IL11RA: variants seen among roughly 807,000 people sequenced by gnomAD.
IL11RA encodes the protein interleukin-11 receptor subunit alpha.
A neutral mutation model predicts 57.0 loss-of-function variants in IL11RA; 51 were observed. The ratio of observed to expected loss-of-function variants is 0.89; its 90% CI spans 0.71 to 1.13. The LOEUF (loss-of-function observed/expected upper bound fraction) is 1.13. IL11RA is among the 50% of genes most tolerant of loss of function. The pLI is 0.00. For synonymous variants in IL11RA, 199 were observed against 217.5 expected (o/e 0.91, Z 0.75); for missense variants, 498 against 539.4 (o/e 0.92, Z 0.76).
Position 34,658,552 on chromosome 9 carries a change from G to A in IL11RA, c.679G>A (p.Glu227Lys), listed in dbSNP as rs1402152930. 1.2e-6 allele frequency: 2 copies of A among 1,614,196 alleles called. No individual in the cohort carries two copies. The highest frequency in any genetic ancestry group is 2.2e-5 in the East Asian group (1 of 44,880). Reference sequence around the variant, plus strand: ...TGACCCACCCCAGGGCCTGCGGGTAGAGTCAGTACCAGGTTACCCCCGACG... The same window carrying A: ...TGACCCACCCCAGGGCCTGCGGGTAAAGTCAGTACCAGGTTACCCCCGACG... The part of the protein sequence containing the change: ...RPDPPQGLRV[E>K]SVPGYPRRLR... Residue 227 changes from glutamate (E) to lysine (K), a missense_variant, in exon 8 of 13, where the codon GAG becomes AAG. Glu to Lys is a moderately conservative substitution (Grantham distance 56). Transcript: ENST00000441545. This position sits in a 1 kb window ranked among gnomAD's most constrained non-coding sequence, Gnocchi z 4.0.
intron 3 of IL11RA, among the ~76,000 whole-genome samples, chr9:34,656,485 G>A (rs1457242494): frequency 6.6e-6 from 1 of 152,162 alleles, no homozygotes; most frequent in African/African-American, 2.4e-5. Flanking sequence ...TCCTGAGGTG[G>A]GAATGAGCTC....
chr9:34,658,749 GT>G lies in IL11RA; in HGVS notation c.810+68del. ...TGTCTCTGATTTCACGATCCTGGGT[GT>G]TCTGTATAGCTTTCCAGTGCTGGCA... On this transcript the variant is annotated intron_variant, in intron 8 of 12. Transcript: ENST00000441545. The surrounding 1 kb of genome is among the most constrained non-coding windows in gnomAD (Gnocchi z 4.0). 3.9e-6 allele frequency: 6 copies of G among 1,555,848 alleles called. No homozygotes were observed. Among genetic ancestry groups the G allele is most frequent in the Non-Finnish European group, 5.3e-6 (6 of 1,139,572 alleles).
At chr9:34,657,014 A>G (rs1283324282) in intron 4 of IL11RA, 21 bp from the exon 5 acceptor site, 1 of 1,611,560 alleles carries the variant, frequency 6.2e-7, no homozygotes. Context: ...CTCAGTCTCC[A>G]GGTGTACCCT....
chr9:34,657,260 C>T (rs1821363764), intron 5 of IL11RA, 43 bp from the exon 6 acceptor site: 1 of 1,613,810 alleles, frequency 6.2e-7, no homozygotes, highest in Non-Finnish European at 8.5e-7. Context: ...GGGCAGAAGG[C>T]CCTCTTTTCC....
chr9:34,657,780 A>G (rs747207889), intron 7 of IL11RA, among the ~76,000 whole-genome samples, 193 bp downstream of exon 7: 12 of 152,166 alleles, frequency 7.9e-5, no homozygotes, highest in Non-Finnish European at 1.8e-4. Flanking sequence ...CACACTCTAG[A>G]GGCTGCTGCT....
intron 11 of IL11RA, 89 bp from the exon 12 acceptor site, chr9:34,660,765 T>C: frequency 7.7e-7 from 1 of 1,299,320 alleles, no homozygotes. Context: ...TTTAACTGAT[T>C]CCTCTCCTGA....
rs751263093 is a variant in IL11RA, at chr9:34,655,614, A to G, written c.110A>G (p.Tyr37Cys). 1.3e-5 allele frequency: 21 copies of G among 1,613,956 alleles called. No homozygotes were observed. In the South Asian group the frequency reaches 1.6e-4, roughly 13 times the overall value. The change falls in exon 3 of 13, where the codon TAT becomes TGT. Residue 37 changes from tyrosine to cysteine, a missense_variant. Transcript: ENST00000441545. ...PQAWGPPGVQ[Y>C]GQPGRSVKLC... ...GAAGTGCCCTCCACAGGGGTCCAGT[A>G]TGGGCAGCCAGGCAGGTCCGTGAAG...
Position 34,655,204 on chromosome 9 carries a change from A to G in IL11RA, c.1-14A>G, listed in dbSNP as rs1016784107. The G allele has an allele frequency of 2.3e-5, 36 of 1,590,186 alleles. No individual in the cohort carries two copies. The highest frequency in any genetic ancestry group is 2.8e-5 in the Non-Finnish European group (33 of 1,161,526). ...TCAGGGGTCGGGGATTTTTGACTCT[A>G]CCTCTCCCCACAGATGAGCAGCAGC... is the stretch of plus-strand genomic sequence containing the variant. On this transcript the variant is annotated splice_polypyrimidine_tract_variant and intron_variant, in intron 1 of 12. Transcript: ENST00000441545.
At position 34,657,488 on chromosome 9, in the gene IL11RA, C is replaced by T. The variant is rs148556750; in HGVS notation, c.547C>T (p.His183Tyr). The T allele has an allele frequency of 6.8e-6, 11 of 1,614,198 alleles. No homozygotes were observed. Among genetic ancestry groups the T allele is most frequent in the Non-Finnish European group, 9.3e-6 (11 of 1,180,014 alleles). The change falls in exon 7 of 13, where the codon CAC becomes TAC. Residue 183 changes from histidine (H) to tyrosine (Y), a missense_variant. Physicochemically the swap from His to Tyr is moderately conservative, Grantham distance 83 (BLOSUM62 2). Coordinates refer to ENST00000441545, the MANE Select transcript of IL11RA (RefSeq NM_001142784.3). Reference sequence around the variant, plus strand: ...CCTAGGGGCTGCCCGCTGTGTTGTCCACGGGGCTGAGTTCTGGAGCCAGTA... The same window carrying T: ...CCTAGGGGCTGCCCGCTGTGTTGTCTACGGGGCTGAGTTCTGGAGCCAGTA... ...DPLGAARCVV[H>Y]GAEFWSQYRI...
rs755525187 is a variant in IL11RA at position 34,655,633 on chromosome 9, C to G, written c.129C>G (p.Ser43=). The change falls in exon 3 of 13, where the codon TCC becomes TCG. Residue 43 remains serine (S), a synonymous_variant. Transcript: ENST00000441545. ...TCCAGTATGGGCAGCCAGGCAGGTC[C>G]GTGAAGCTGTGTTGTCCTGGAGTGA... ...PGVQYGQPGR[S]VKLCCPGVTA... 43 of 1,613,968 alleles carry G rather than the reference C, an allele frequency of 2.7e-5. No individual in the cohort carries two copies. The South Asian group carries it at 4.4e-4, about 16-fold the overall frequency.
chr9:34,657,825 A>G (rs1264737990), intron 7 of IL11RA, among the ~76,000 whole-genome samples: 1 of 152,232 alleles, frequency 6.6e-6, no homozygotes, highest in Non-Finnish European at 1.5e-5. Flanking sequence ...GCCTAGCCTC[A>G]GAGCAGGCCC....
chr9:34,660,123 G>C, intron 9 of IL11RA, 151 bp from the exon 10 acceptor site: 1 of 1,288,486 alleles, frequency 7.8e-7, no homozygotes. Context: ...CAAGCTTGGA[G>C]CTTGCCATGC....
At chr9:34,661,217 A>C (rs1002266295) in intron 12 of IL11RA, among the ~76,000 whole-genome samples, 1 of 149,434 alleles carries the variant, frequency 6.7e-6, no homozygotes, top group Non-Finnish European at 1.5e-5. Flanking sequence ...CCAGGGTATT[A>C]GACTCAGAGC....
rs747794291 is a variant in IL11RA at position 34,655,251 on chromosome 9, C to T, written c.34C>T (p.Leu12=). 9 of 1,612,290 alleles carry T rather than the reference C, an allele frequency of 5.6e-6. No individual in the cohort carries two copies. Among genetic ancestry groups the T allele is most frequent in the African/African-American group, 2.7e-5 (2 of 74,798 alleles). ...CAGCTGCTCAGGGCTGAGCAGGGTCCTGGTGGCCGTGGCTACAGCCCTGGT... is the reference window on the plus strand; with the variant it reads ...CAGCTGCTCAGGGCTGAGCAGGGTCTTGGTGGCCGTGGCTACAGCCCTGGT... ...SSSCSGLSRV[L]VAVATALVSA... is the part of the protein sequence containing the mutation. The change falls in exon 2 of 13, where the codon CTG becomes TTG. Residue 12 remains leucine, a synonymous_variant. Transcript: ENST00000441545.
intron 8 of IL11RA, among the ~76,000 whole-genome samples, chr9:34,659,432 G>A (rs529300148): frequency 6.6e-6 from 1 of 152,240 alleles, no homozygotes; most frequent in South Asian, 2.1e-4. Flanking sequence ...TACACTTTTT[G>A]CATACATTGT....
At chr9:34,659,023 C>A (rs931399404) in intron 8 of IL11RA, among the ~76,000 whole-genome samples, 3 of 152,102 alleles carry the variant, frequency 2.0e-5, no homozygotes, top group Non-Finnish European at 4.4e-5. Flanking sequence ...CTCCTGGGTT[C>A]AAGCAATTCT....
At position 34,656,846 on chromosome 9, in the gene IL11RA, G is replaced by C; in HGVS notation, c.269G>C (p.Gly90Ala). 1 of 1,614,168 alleles carries C rather than the reference G, an allele frequency of 6.2e-7. No homozygotes were observed. The highest frequency in any genetic ancestry group is 8.5e-7 in the Non-Finnish European group (1 of 1,180,016). Residue 90 changes from glycine to alanine, a missense_variant, in exon 4 of 13, where the codon GGC becomes GCC. Transcript: ENST00000441545. ...VLAQADSTDEGTYICQTLDGA... is the reference protein window; with the variant it reads ...VLAQADSTDEATYICQTLDGA... ...GCCCAGGCAGACAGCACTGATGAGG[G>C]CACCTACATCTGCCAGACCCTGGAT...
In IL11RA at chr9:34,660,347, C is replaced by T; in HGVS notation, c.1026C>T (p.Ser342=). 6.2e-7 allele frequency: 1 copy of T among 1,614,212 alleles called. No individual in the cohort carries two copies. The highest frequency in any genetic ancestry group is 8.5e-7 in the Non-Finnish European group (1 of 1,180,034). The change falls in exon 10 of 13, where the codon AGC becomes AGT. Residue 342 remains serine (S), a synonymous_variant. Coordinates refer to ENST00000441545, the MANE Select transcript of IL11RA (RefSeq NM_001142784.3). The stretch of plus-strand genomic sequence containing the variant: ...CAGAGGTGGAGCCTCAGGTGGACAG[C>T]CCTGCTCCTCCAAGGCCCTCCCTCC... The part of the protein sequence containing the change: ...TQPEVEPQVD[S]PAPPRPSLQP...
chr9:34,654,891 G>A, intron 1 of IL11RA: 1 of 341,886 alleles, frequency 2.9e-6, no homozygotes, highest in South Asian at 2.6e-5. Context: ...TGGGCGCCAA[G>A]GGCAGTGGAG....
Sources: gnomAD v4.1 joint callset for allele counts (sites outside exome capture counted in the v4.1 genomes callset) on GRCh38, gnomAD v4.1.1 for gene constraint, Gnocchi (gnomAD v3.1) non-coding constraint, MANE v1.5 for transcripts, NCBI Gene and HGNC (gene_info 2026-07-23, HGNC 2026-07-21) for gene names.